The following INSL6 variants were observed in gnomAD, a reference collection of about 807,000 sequenced individuals.
INSL6 encodes insulin like 6, also known as insulin-like peptide INSL6.
In INSL6, 16 loss-of-function variants were observed where a neutral mutation model predicts 9.4. That is an observed-to-expected ratio of 1.70 (90% CI 1.15 to 2.59). The LOEUF (loss-of-function observed/expected upper bound fraction) is 2.59, where lower values mean the gene tolerates loss of function less well. INSL6 is among the 30% of genes most tolerant of loss of function. The probability of loss-of-function intolerance (pLI) is 0.00; values close to 1 mark genes in which losing one functional copy is unlikely to be tolerated. For missense variants in INSL6, 391 were observed against 257.3 expected, an observed-to-expected ratio of 1.52 and a Z score of -3.56; for synonymous variants, 154 against 96.9, an observed-to-expected ratio of 1.59 and a Z score of -3.46.
At chr9:5,033,748 C>T in the INSL6 span, among the ~76,000 whole-genome samples, 2 of 152,154 alleles carry the variant, frequency 1.3e-5, no homozygotes, top group Non-Finnish European at 2.9e-5. Flanking sequence ...AAGCACTAAA[C>T]ATAGAAAGGA....
At chr9:5,136,223 G>C (rs145686149) in intron 2 of INSL6, among the ~76,000 whole-genome samples, 5 of 151,970 alleles carry the variant, frequency 3.3e-5, no homozygotes, top group African/African-American at 9.6e-5. Flanking sequence ...CCTTCTGAAA[G>C]TATTCCAAAC....
At chr9:5,005,939 C>G in the INSL6 span, among the ~76,000 whole-genome samples, 1 of 152,130 alleles carries the variant, frequency 6.6e-6, no homozygotes, top group East Asian at 1.9e-4. Flanking sequence ...ATGCCTCCAG[C>G]TTTGTTCTTT....
chr9:5,065,629 A>T, the INSL6 span, among the ~76,000 whole-genome samples: 2 of 152,230 alleles, frequency 1.3e-5, no homozygotes, highest in Non-Finnish European at 2.9e-5. Context: ...TTAAATAGCT[A>T]CATGTGGCTA....
the INSL6 span, chr9:5,054,854 A>G: frequency 6.2e-7 from 1 of 1,607,798 alleles, no homozygotes; most frequent in Non-Finnish European, 8.5e-7. This position sits in a 1 kb window ranked among gnomAD's most constrained non-coding sequence, Gnocchi z 4.9. Context: ...CAAGAGGGAA[A>G]CATAAAGAAA....
chr9:5,179,493 G>T (rs1289062894), intron 1 of INSL6, among the ~76,000 whole-genome samples: 1 of 147,828 alleles, frequency 6.8e-6, no homozygotes, highest in Admixed American at 6.6e-5. Flanking sequence ...TCCATTACTG[G>T]GTGTATACCC....
intron 1 of INSL6, among the ~76,000 whole-genome samples, chr9:5,184,767 T>C (rs376350961): frequency 1.3e-5 from 2 of 152,240 alleles, no homozygotes; most frequent in Non-Finnish European, 2.9e-5. Flanking sequence ...GCCTATCTCC[T>C]GGTACGTGAC....
At chr9:5,061,586 G>A in the INSL6 span, among the ~76,000 whole-genome samples, 10 of 152,252 alleles carry the variant, frequency 6.6e-5, no homozygotes, top group East Asian at 1.9e-4. Context: ...GAGCATTAGG[G>A]TCTTGCTCTA....
intron 2 of INSL6, among the ~76,000 whole-genome samples, chr9:5,152,553 T>C (rs1824731864): frequency 6.6e-6 from 1 of 152,188 alleles, no homozygotes; most frequent in Admixed American, 6.5e-5. Context: ...CAGTGAAATT[T>C]ATAGCTTTAG....
At chr9:5,092,780 A>C in the INSL6 span, among the ~76,000 whole-genome samples, 1 of 152,224 alleles carries the variant, frequency 6.6e-6, no homozygotes, top group Non-Finnish European at 1.5e-5. Context: ...AGTAGTGGTG[A>C]TAAGCCTATC....
chr9:5,077,679 G>GC, the INSL6 span: 7 of 694,704 alleles, frequency 1.0e-5, no homozygotes, highest in African/African-American at 1.9e-5. Context: ...TCTGTAATTG[G>GC]ATGCCAATTC....
chr9:5,050,741 A>T, the INSL6 span: 2 of 1,613,892 alleles, frequency 1.2e-6, no homozygotes, highest in Non-Finnish European at 1.7e-6. Flanking sequence ...CATGAAACAC[A>T]GGAAGAATGT....
At chr9:5,112,079 G>T in the INSL6 span, 7 of 385,370 alleles carry the variant, frequency 1.8e-5, no homozygotes. Flanking sequence ...TGGAGAGTAA[G>T]ATAGAAGACC....
At chr9:4,998,769 C>G in the INSL6 span, among the ~76,000 whole-genome samples, 1 of 151,672 alleles carries the variant, frequency 6.6e-6, no homozygotes, top group Admixed American at 6.6e-5. Context: ...AAAACCAAAA[C>G]CAGAAAAGGG....
the INSL6 span, chr9:5,065,062 G>A: frequency 4.8e-6 from 7 of 1,473,206 alleles, no homozygotes; most frequent in Non-Finnish European, 6.4e-6. Flanking sequence ...AGACTTAAAA[G>A]TAAATTTTTA....
chr9:5,170,242 C>CTGAG (rs1825148844), intron 1 of INSL6, among the ~76,000 whole-genome samples: 1 of 152,180 alleles, frequency 6.6e-6, no homozygotes, highest in Non-Finnish European at 1.5e-5. Flanking sequence ...CAACCTGTTC[C>CTGAG]TGAGTGACTC....
chr9:5,182,400 G>C (rs907387557), intron 1 of INSL6, among the ~76,000 whole-genome samples: 1 of 151,752 alleles, frequency 6.6e-6, no homozygotes, highest in African/African-American at 2.4e-5. Context: ...GAGAGGAGGA[G>C]AATGGGAGTG....
At chr9:5,177,574 G>A (rs998012920) in intron 1 of INSL6, among the ~76,000 whole-genome samples, 6 of 152,190 alleles carry the variant, frequency 3.9e-5, no homozygotes, top group East Asian at 1.9e-4. Context: ...ATATGACAGT[G>A]CATATCCCAA....
chr9:5,055,428 G>C, the INSL6 span, among the ~76,000 whole-genome samples: 3 of 151,944 alleles, frequency 2.0e-5, no homozygotes, highest in African/African-American at 7.2e-5. Context: ...TTGAATTGAA[G>C]AGTGCCATAG....
the INSL6 span, among the ~76,000 whole-genome samples, chr9:5,007,888 T>C: frequency 1.3e-5 from 2 of 152,016 alleles, no homozygotes; most frequent in Non-Finnish European, 2.9e-5. Flanking sequence ...CCACCACGCC[T>C]GGCTAATTTT....
Sources: allele counts gnomAD v4.1 joint callset (sites outside exome capture counted in the v4.1 genomes callset), GRCh38; gene constraint gnomAD v4.1.1; non-coding constraint Gnocchi (gnomAD v3.1); transcripts MANE v1.5; gene names NCBI Gene and HGNC (gene_info 2026-07-23, HGNC 2026-07-21).